Variants in SAP30BP observed in about 807,000 individuals in gnomAD.
SAP30BP encodes the protein SAP30 binding protein.
SAP30BP carries 31 observed loss-of-function variants against 46.3 expected under a neutral mutation model. That is an observed-to-expected ratio of 0.67 (90% CI 0.50 to 0.90). The LOEUF (loss-of-function observed/expected upper bound fraction) is 0.90. Among genes scored for constraint, SAP30BP ranks in the 40% least tolerant of loss-of-function variants. The pLI, the probability that SAP30BP is intolerant of heterozygous loss-of-function variation, is 0.00. For missense variants in SAP30BP, 312 were observed against 391.0 expected, an observed-to-expected ratio of 0.80 and a Z score of 1.70; for synonymous variants, 169 against 144.2, an observed-to-expected ratio of 1.17 and a Z score of -1.23.
At chr17:75,694,748 C>G (rs1045023382) in intron 4 of SAP30BP, among the ~76,000 whole-genome samples, 9 of 152,248 alleles carry the variant, frequency 5.9e-5, no homozygotes, top group African/African-American at 2.2e-4. Flanking sequence ...AGAGAGCAGC[C>G]TGTCACGTGC....
intron 5 of SAP30BP, 172 bp downstream of exon 5, chr17:75,700,043 T>G (rs1344388477): frequency 3.9e-6 from 2 of 511,862 alleles, no homozygotes; most frequent in Non-Finnish European, 7.1e-6. Flanking sequence ...GTTAGCCTCA[T>G]CTCAGGAGTT....
At chr17:75,700,608 G>T (rs1020971177) in intron 5 of SAP30BP, among the ~76,000 whole-genome samples, 2 of 152,200 alleles carry the variant, frequency 1.3e-5, no homozygotes, top group Admixed American at 6.5e-5. Context: ...TGACTAATGG[G>T]ACCTGAGGCT....
Position 75,690,921 on chromosome 17 carries a change from G to C in SAP30BP, c.265-2519G>C, listed in dbSNP as rs537460248. 492 of 364,328 alleles carry C rather than the reference G, an allele frequency of 1.4e-3. 8 individuals carry two copies. Among genetic ancestry groups the C allele is most frequent in the South Asian group, 9.3e-3 (456 of 49,010 alleles). 22.6% of individuals were successfully genotyped at this position (364,328 alleles called of 1,614,324 possible). A position where few individuals can be genotyped will look rare whatever the true frequency, so the allele number is the denominator to read the frequency against. On this transcript the variant is annotated intron_variant, in intron 3 of 10. Coordinates refer to ENST00000584667, the MANE Select transcript of SAP30BP (RefSeq NM_013260.8). ...AGTGCAGCAGCGCTGGCCTCCTCCT[G>C]AGCGTGCACGCTTATATGGCTTCTG...
At chr17:75,697,813 A>C (rs1422104599) in intron 4 of SAP30BP, among the ~76,000 whole-genome samples, 3 of 152,178 alleles carry the variant, frequency 2.0e-5, no homozygotes, top group Admixed American at 2.0e-4. Flanking sequence ...TGTTCTTTAC[A>C]GTAACTGAAA....
chr17:75,676,879 C>G (rs1376872742), intron 3 of SAP30BP, among the ~76,000 whole-genome samples: 1 of 152,092 alleles, frequency 6.6e-6, no homozygotes, highest in Non-Finnish European at 1.5e-5. Context: ...GTATAGGTCT[C>G]AGTACTATCA....
chr17:75,692,257 G>C, intron 3 of SAP30BP: 4 of 985,588 alleles, frequency 4.1e-6, no homozygotes, highest in Non-Finnish European at 4.8e-6. Flanking sequence ...GGCCTTCCTG[G>C]CACCTTCCTT....
intron 5 of SAP30BP, among the ~76,000 whole-genome samples, chr17:75,701,620 G>T (rs919466175): frequency 6.6e-6 from 1 of 152,164 alleles, no homozygotes; most frequent in African/African-American, 2.4e-5. Flanking sequence ...AGCCACCTGT[G>T]AGCCTCCCCA....
chr17:75,668,468 T>C (rs1291338502), intron 1 of SAP30BP, 48 bp from the exon 2 acceptor site: 1 of 1,249,754 alleles, frequency 8.0e-7, no homozygotes, highest in Non-Finnish European at 1.1e-6. Flanking sequence ...TAACTCTTGT[T>C]TTTTTTTTCT....
In SAP30BP at chr17:75,706,206, T is replaced by A. The variant is rs2060494996; in HGVS notation, c.745+114T>A. ...GGGCCTGGGCTCAGCCTTGCTACTT[T>A]GAGAAGCACCTTTGGAGTCTGGGGT... On this transcript the variant is annotated intron_variant, in intron 10 of 10. Coordinates refer to ENST00000584667, the MANE Select transcript of SAP30BP (RefSeq NM_013260.8). The surrounding 1 kb of genome is among the most constrained non-coding windows in gnomAD (Gnocchi z 4.6). 3 of 1,555,656 alleles carry A rather than the reference T, an allele frequency of 1.9e-6. No individual in the cohort carries two copies. In the Admixed American group the frequency reaches 5.6e-5, roughly 29 times the overall value.
intron 7 of SAP30BP, 128 bp from the exon 8 acceptor site, chr17:75,703,680 G>C (rs2148421618): frequency 1.2e-6 from 1 of 853,620 alleles, no homozygotes; most frequent in Admixed American, 1.9e-5. Flanking sequence ...CTTGGCTAAA[G>C]ACCAAAGATG....
chr17:75,674,010 A>G (rs192969453), intron 3 of SAP30BP, among the ~76,000 whole-genome samples: 75 of 152,266 alleles, frequency 4.9e-4, no homozygotes, highest in Admixed American at 2.1e-3. Flanking sequence ...CCAACCCTCA[A>G]AGTCACTTGA....
At chr17:75,671,015 G>C (rs2059899634) in intron 2 of SAP30BP, among the ~76,000 whole-genome samples, 2 of 152,204 alleles carry the variant, frequency 1.3e-5, no homozygotes, top group Non-Finnish European at 2.9e-5. Flanking sequence ...ATCTGCTCCT[G>C]ATCTTTGACC....
chr17:75,694,691 C>T (rs1489060079), intron 4 of SAP30BP, among the ~76,000 whole-genome samples: 2 of 152,222 alleles, frequency 1.3e-5, no homozygotes, highest in African/African-American at 4.8e-5. Context: ...CGCCATCACC[C>T]GAGCCGACCC....
intron 4 of SAP30BP, among the ~76,000 whole-genome samples, chr17:75,695,210 C>G (rs1568317138): frequency 6.6e-6 from 1 of 152,350 alleles, no homozygotes; most frequent in Non-Finnish European, 1.5e-5. Flanking sequence ...TGGGGCTGTC[C>G]TGTGCTTTGC....
chr17:75,683,095 A>C (rs1027692055), intron 3 of SAP30BP, among the ~76,000 whole-genome samples: 3 of 139,814 alleles, frequency 2.1e-5, no homozygotes, highest in African/African-American at 7.8e-5. Flanking sequence ...CCCAGGCTGG[A>C]GTGCAGTGGT....
At chr17:75,686,735 G>A (rs530387259) in intron 3 of SAP30BP, among the ~76,000 whole-genome samples, 72 of 152,300 alleles carry the variant, frequency 4.7e-4, no homozygotes, top group Non-Finnish European at 8.8e-4. Flanking sequence ...TACAACTAAA[G>A]GAAATGTGCT....
At chr17:75,669,995 T>G (rs1169804487) in intron 2 of SAP30BP, among the ~76,000 whole-genome samples, 1 of 152,168 alleles carries the variant, frequency 6.6e-6, no homozygotes, top group Non-Finnish European at 1.5e-5. Context: ...TTGTTTGAAA[T>G]TTTTGTTACA....
Position 75,706,565 on chromosome 17 carries a change from T to C in SAP30BP, c.*44T>C. 1.3e-6 allele frequency: 2 copies of C among 1,576,618 alleles called. No individual in the cohort carries two copies. Among genetic ancestry groups the C allele is most frequent in the Non-Finnish European group, 1.7e-6 (2 of 1,149,328 alleles). On this transcript the variant is annotated 3_prime_UTR_variant, in exon 11 of 11. Coordinates refer to ENST00000584667, the MANE Select transcript of SAP30BP (RefSeq NM_013260.8). This position sits in a 1 kb window ranked among gnomAD's most constrained non-coding sequence, Gnocchi z 4.6. ...GACTTGAAAGGACCGTGCAGCCCAG[T>C]GACCACTGCCCAGTGGGAGGCGCCA...
intron 5 of SAP30BP, among the ~76,000 whole-genome samples, chr17:75,701,224 T>C (rs2060405184): frequency 1.3e-5 from 2 of 152,230 alleles, no homozygotes; most frequent in South Asian, 2.1e-4. Flanking sequence ...GCCGGCACAG[T>C]GCCTCAGATG....
Sources: gnomAD v4.1 joint callset for allele counts (sites outside exome capture counted in the v4.1 genomes callset) on GRCh38, gnomAD v4.1.1 for gene constraint, Gnocchi (gnomAD v3.1) non-coding constraint, MANE v1.5 for transcripts, NCBI Gene and HGNC (gene_info 2026-07-23, HGNC 2026-07-21) for gene names.